Variants in DNAH14 observed in about 807,000 individuals in gnomAD.
DNAH14 encodes the protein dynein axonemal heavy chain 14, also known as axonemal beta dynein heavy chain 14.
A neutral mutation model predicts 520.9 loss-of-function variants in DNAH14; 478 were observed. The observed-to-expected ratio is 0.92, with a 90% confidence interval of 0.85 to 0.99. The LOEUF (loss-of-function observed/expected upper bound fraction) is 0.99. Among genes scored for constraint, DNAH14 ranks in the 50% least tolerant of loss-of-function variants. DNAH14 has a pLI of 0.00. For synonymous variants in DNAH14, 1,581 were observed against 1,757.2 expected (o/e 0.90, Z 2.51); for missense variants, 4,831 against 5,234.5 (o/e 0.92, Z 2.38).
intron 8 of DNAH14, among the ~76,000 whole-genome samples, chr1:224,983,188 C>A (rs1024827733): frequency 6.7e-6 from 1 of 148,484 alleles, no homozygotes; most frequent in East Asian, 2.0e-4. Flanking sequence ...TAGACAAGGC[C>A]TTTTACCATT....
chr1:224,993,471 A>G (rs2063189968), intron 8 of DNAH14, among the ~76,000 whole-genome samples: 1 of 151,820 alleles, frequency 6.6e-6, no homozygotes, highest in Admixed American at 6.6e-5. Context: ...AGGTAATCCA[A>G]TTTGTTGGTG....
intron 43 of DNAH14, 47 bp from the exon 44 acceptor site, chr1:225,252,254 C>A: frequency 9.8e-7 from 1 of 1,019,970 alleles, no homozygotes; most frequent in Non-Finnish European, 1.5e-6. Context: ...TGAAACATTC[C>A]ATAACTGAAC....
intron 8 of DNAH14, among the ~76,000 whole-genome samples, chr1:224,985,870 AG>A (rs1419212842): frequency 6.6e-6 from 1 of 152,012 alleles, no homozygotes; most frequent in African/African-American, 2.4e-5. Flanking sequence ...AGATTAAAAA[AG>A]AATAAAAAAA....
At chr1:225,369,698 T>A (rs1398526330) in intron 77 of DNAH14, among the ~76,000 whole-genome samples, 1 of 152,122 alleles carries the variant, frequency 6.6e-6, no homozygotes, top group Non-Finnish European at 1.5e-5. Flanking sequence ...AAAAAGTACA[T>A]ATTTTTTCAG....
chr1:225,318,482 T>TA (rs2094504372), intron 60 of DNAH14, 101 bp from the exon 61 acceptor site: 2 of 1,076,040 alleles, frequency 1.9e-6, no homozygotes, highest in South Asian at 3.5e-5. Flanking sequence ...ATGGGCATTG[T>TA]AAAAATATCA....
At chr1:225,314,243 A>G (rs2094426244) in intron 60 of DNAH14, among the ~76,000 whole-genome samples, 1 of 152,170 alleles carries the variant, frequency 6.6e-6, no homozygotes, top group African/African-American at 2.4e-5. Context: ...CTGTTTTATC[A>G]GAGACGAGGA....
chr1:225,247,564 AT>A (rs1207036723), intron 43 of DNAH14, among the ~76,000 whole-genome samples: 2 of 152,188 alleles, frequency 1.3e-5, no homozygotes, highest in African/African-American at 4.8e-5. Context: ...CTGGAGGGGA[AT>A]GTCAGAGAAG....
intron 54 of DNAH14, among the ~76,000 whole-genome samples, chr1:225,280,832 G>A (rs2093613125): frequency 6.6e-6 from 1 of 152,070 alleles, no homozygotes; most frequent in South Asian, 2.1e-4. Flanking sequence ...AGAAGGCATT[G>A]GAGCAGCATA....
In DNAH14 at chr1:225,080,655, G is replaced by A; in HGVS notation, c.3043G>A (p.Glu1015Lys). ...AQEEWKRASW[E>K]WRNSSLQSID... ...AGAGGAGTGGAAGCGAGCCTCTTGG[G>A]AATGGAGGAATAGTTCTCTTCAAAG... The change falls in exon 19 of 86, where the codon GAA becomes AAA. Residue 1015 changes from glutamate to lysine, a missense_variant. Physicochemically the swap from Glu to Lys is moderately conservative, Grantham distance 56. Coordinates refer to ENST00000682510, the MANE Select transcript of DNAH14 (RefSeq NM_001367479.1). The A allele has an allele frequency of 6.4e-7, 1 of 1,552,048 alleles. No individual in the cohort carries two copies. Among genetic ancestry groups the A allele is most frequent in the Non-Finnish European group, 8.7e-7 (1 of 1,147,028 alleles).
At chr1:224,985,555 T>C (rs2062572807) in intron 8 of DNAH14, among the ~76,000 whole-genome samples, 1 of 151,888 alleles carries the variant, frequency 6.6e-6, no homozygotes, top group Non-Finnish European at 1.5e-5. Flanking sequence ...TTCTCACAGA[T>C]CTCCACTAAA....
At chr1:225,384,414 C>T (rs986135119) in intron 81 of DNAH14, among the ~76,000 whole-genome samples, 9 of 151,968 alleles carry the variant, frequency 5.9e-5, no homozygotes, top group African/African-American at 2.2e-4. Flanking sequence ...ACAAAAAAAC[C>T]TTCAAAAAAT....
intron 64 of DNAH14, among the ~76,000 whole-genome samples, chr1:225,327,952 C>T (rs553456974): frequency 6.6e-6 from 1 of 152,216 alleles, no homozygotes; most frequent in South Asian, 2.1e-4. Flanking sequence ...AAGCCTTCCT[C>T]ATATATGGGA....
At chr1:224,974,477 G>T (rs2061683918) in intron 8 of DNAH14, among the ~76,000 whole-genome samples, 2 of 152,164 alleles carry the variant, frequency 1.3e-5, no homozygotes, top group South Asian at 4.1e-4. Context: ...ATCTCCATCA[G>T]CCAAATGTTT....
At chr1:225,080,241 A>G in intron 18 of DNAH14, 138 bp from the exon 19 acceptor site, 2 of 887,900 alleles carry the variant, frequency 2.3e-6, no homozygotes, top group Non-Finnish European at 3.2e-6. Flanking sequence ...GTCTGGGCCA[A>G]ATGGTAATGA....
At chr1:225,303,578 C>T (rs143747167) in intron 57 of DNAH14, among the ~76,000 whole-genome samples, 18 of 152,322 alleles carry the variant, frequency 1.2e-4, no homozygotes, top group Non-Finnish European at 2.2e-4. Flanking sequence ...GCCTGTGTCT[C>T]TTCACTATGC....
chr1:225,268,280 C>A (rs909116073), intron 49 of DNAH14, among the ~76,000 whole-genome samples: 25 of 152,216 alleles, frequency 1.6e-4, no homozygotes, highest in African/African-American at 5.3e-4. Context: ...ATTCAACAAC[C>A]CTTCATGCTA....
At chr1:225,170,553 C>A (rs183563058) in intron 36 of DNAH14, among the ~76,000 whole-genome samples, 6 of 152,300 alleles carry the variant, frequency 3.9e-5, no homozygotes, top group African/African-American at 1.2e-4. Flanking sequence ...GGGATCAATA[C>A]AACAAGAAGA....
chr1:225,001,803 C>T (rs1309137405), intron 8 of DNAH14, among the ~76,000 whole-genome samples: 2 of 152,098 alleles, frequency 1.3e-5, no homozygotes, highest in Non-Finnish European at 2.9e-5. Flanking sequence ...TGATGTGCCA[C>T]ATGTCTTTAG....
intron 8 of DNAH14, among the ~76,000 whole-genome samples, chr1:224,989,240 G>A (rs897388189): frequency 5.3e-5 from 8 of 151,982 alleles, no homozygotes; most frequent in African/African-American, 1.7e-4. Context: ...TAAAAATCTG[G>A]GCACCTGCTG....
Sources: allele counts gnomAD v4.1 joint callset (sites outside exome capture counted in the v4.1 genomes callset), GRCh38; gene constraint gnomAD v4.1.1; transcripts MANE v1.5; gene names NCBI Gene and HGNC (gene_info 2026-07-23, HGNC 2026-07-21).